Variants in PLPP3 observed in about 807,000 individuals in gnomAD.
PLPP3 encodes the protein phospholipid phosphatase 3, also known as PAP2 beta.
PLPP3 carries 6 observed loss-of-function variants against 29.6 expected under a neutral mutation model. The ratio of observed to expected loss-of-function variants is 0.20; its 90% CI spans 0.11 to 0.40. PLPP3 has a LOEUF of 0.40. PLPP3 is among the 10% of genes least tolerant of loss of function. The pLI is 1.00. For synonymous variants in PLPP3, 152 were observed against 159.7 expected (o/e 0.95, Z 0.36); for missense variants, 308 against 407.7 (o/e 0.76, Z 2.11).
intron 5 of PLPP3, among the ~76,000 whole-genome samples, chr1:56,509,853 A>AAAAAAAAT (rs377448398): frequency 5.7e-5 from 8 of 139,264 alleles, no homozygotes; most frequent in African/African-American, 8.0e-5. Context: ...AAAAAAAAAA[A>AAAAAAAAT]GGAAGACAAT....
chr1:56,497,899 G>A (rs949861124), intron 5 of PLPP3, among the ~76,000 whole-genome samples: 8 of 152,160 alleles, frequency 5.3e-5, no homozygotes, highest in South Asian at 2.1e-4. Flanking sequence ...GGTGATGCTC[G>A]TTACCTCAAG....
chr1:56,570,549 C>A lies in PLPP3; in HGVS notation c.139+8329G>T, dbSNP rs552661350. On this transcript the variant is annotated intron_variant, in intron 1 of 5. Transcript: ENST00000371250. ...TGTTTTAAATTTGGGAATTTAAATG[C>A]AGATCATAATTTATAATTTAACCCA... 9.3e-4 allele frequency among the ~76,000 whole-genome samples: 142 copies of A among 152,236 alleles called. 1 individual carries two copies. The highest frequency in any genetic ancestry group is 2.9e-3 in the African/African-American group (120 of 41,528).
intron 5 of PLPP3, among the ~76,000 whole-genome samples, chr1:56,500,716 T>C (rs752360499): frequency 1.1e-4 from 16 of 152,078 alleles, no homozygotes; most frequent in Non-Finnish European, 1.8e-4. Context: ...ATTAAGATCA[T>C]GTTGGAGGTC....
intron 2 of PLPP3, among the ~76,000 whole-genome samples, chr1:56,530,359 T>C (rs943787297): frequency 2.8e-4 from 43 of 152,116 alleles, no homozygotes; most frequent in African/African-American, 1.0e-3. Flanking sequence ...TCTCTCTAGC[T>C]TCAGCCTACC....
chr1:56,574,987 T>C (rs1396387553), intron 1 of PLPP3, among the ~76,000 whole-genome samples: 1 of 152,166 alleles, frequency 6.6e-6, no homozygotes, highest in Non-Finnish European at 1.5e-5. Flanking sequence ...AGCTGTACAG[T>C]GCAGTGGCAG....
chr1:56,548,640 T>C (rs1297469513), intron 1 of PLPP3, among the ~76,000 whole-genome samples: 1 of 152,104 alleles, frequency 6.6e-6, no homozygotes, highest in Non-Finnish European at 1.5e-5. Flanking sequence ...CAGAAGTTAA[T>C]AAGATGTGGT....
At chr1:56,516,742 AG>A (rs2100238760) in intron 4 of PLPP3, 1 of 151,656 alleles carries the variant, frequency 6.6e-6, no homozygotes, top group Non-Finnish European at 1.5e-5. Context: ...ATAATCTTAA[AG>A]GCCTTTTCTT....
chr1:56,506,417 C>T (rs940288827), intron 5 of PLPP3, among the ~76,000 whole-genome samples: 2 of 152,148 alleles, frequency 1.3e-5, no homozygotes, highest in South Asian at 2.1e-4. Context: ...AGAACGCCCT[C>T]GCCCTTCCCT....
At chr1:56,561,747 T>C (rs1646130219) in intron 1 of PLPP3, among the ~76,000 whole-genome samples, 1 of 152,018 alleles carries the variant, frequency 6.6e-6, no homozygotes, top group South Asian at 2.1e-4. Context: ...AAGTAGCTTC[T>C]TTTTTGGCTG....
chr1:56,571,563 C>T lies in PLPP3; in HGVS notation c.139+7315G>A, dbSNP rs566360278. The stretch of plus-strand genomic sequence containing the variant: ...GAAATCTCCAAGGTACTTCCAAATT[C>T]TAAAGATTCCATGAATCTAGGCAAT... On this transcript the variant is annotated intron_variant, in intron 1 of 5. Coordinates refer to ENST00000371250, the MANE Select transcript of PLPP3 (RefSeq NM_003713.5). Among the ~76,000 whole-genome samples, 12 of 152,272 alleles carry T rather than the reference C, an allele frequency of 7.9e-5. No homozygotes were observed. The South Asian group carries it at 2.5e-3, about 32-fold the overall frequency.
Position 56,570,455 on chromosome 1 carries a change from A to G in PLPP3, c.139+8423T>C, listed in dbSNP as rs79452877. ...ACCTTGATTGCAATATATACTTTCA[A>G]ATCACACAGAAATCAAGTTCCTTTC... On this transcript the variant is annotated intron_variant, in intron 1 of 5. Transcript: ENST00000371250. Among the ~76,000 whole-genome samples the G allele has an allele frequency of 4.6e-3, 699 of 152,338 alleles. 4 individuals are homozygous for G. Among genetic ancestry groups the G allele is most frequent in the African/African-American group, 0.016 (668 of 41,580 alleles).
intron 5 of PLPP3, among the ~76,000 whole-genome samples, chr1:56,508,257 A>C (rs1254900940): frequency 6.6e-6 from 1 of 152,082 alleles, no homozygotes; most frequent in Admixed American, 6.6e-5. Context: ...CGGGAGGTGA[A>C]GGGGTGGAGA....
chr1:56,575,244 G>C (rs112777872), intron 1 of PLPP3, among the ~76,000 whole-genome samples: 1 of 152,178 alleles, frequency 6.6e-6, no homozygotes. Flanking sequence ...AATGCAACTC[G>C]ATAGTGGCAC....
intron 1 of PLPP3, among the ~76,000 whole-genome samples, chr1:56,575,046 A>T (rs1035414560): frequency 6.6e-6 from 1 of 152,218 alleles, no homozygotes; most frequent in Non-Finnish European, 1.5e-5. Flanking sequence ...CACAGAGCTA[A>T]TATATAATGA....
At chr1:56,518,151 A>G (rs1330026665) in intron 4 of PLPP3, among the ~76,000 whole-genome samples, 1 of 152,156 alleles carries the variant, frequency 6.6e-6, no homozygotes, top group Admixed American at 6.5e-5. Context: ...ATATAGGGAG[A>G]AAAAAGAGGA....
At chr1:56,496,929 C>T (rs1047736681) in intron 5 of PLPP3, among the ~76,000 whole-genome samples, 1 of 152,192 alleles carries the variant, frequency 6.6e-6, no homozygotes, top group African/African-American at 2.4e-5. Context: ...TCTAAGGACT[C>T]TCAGTCCATT....
intron 1 of PLPP3, among the ~76,000 whole-genome samples, chr1:56,568,815 T>TG (rs1167292986): frequency 6.6e-6 from 1 of 151,938 alleles, no homozygotes; most frequent in African/African-American, 2.4e-5. Context: ...TTAGTAGAGA[T>TG]GGGGTTTCAC....
intron 5 of PLPP3, among the ~76,000 whole-genome samples, chr1:56,511,089 T>C (rs1645738252): frequency 6.6e-6 from 1 of 152,220 alleles, no homozygotes; most frequent in African/African-American, 2.4e-5. Context: ...ATCCAGCCAT[T>C]ATTGTACTCT....
At chr1:56,505,440 T>G (rs1036454414) in intron 5 of PLPP3, among the ~76,000 whole-genome samples, 2 of 152,222 alleles carry the variant, frequency 1.3e-5, no homozygotes, top group African/African-American at 4.8e-5. Flanking sequence ...ATAAGTACAG[T>G]TGATCCTTGA....
Sources: gnomAD v4.1 joint callset for allele counts (sites outside exome capture counted in the v4.1 genomes callset) on GRCh38, gnomAD v4.1.1 for gene constraint, MANE v1.5 for transcripts, NCBI Gene and HGNC (gene_info 2026-07-23, HGNC 2026-07-21) for gene names.